NDST3: variants seen among roughly 807,000 people sequenced by gnomAD.
NDST3 encodes the protein N-deacetylase and N-sulfotransferase 3, also known as bifunctional heparan sulfate N-deacetylase/N-sulfotransferase 3.
A neutral mutation model predicts 96.1 loss-of-function variants in NDST3; 58 were observed. The ratio of observed to expected loss-of-function variants is 0.60; its 90% CI spans 0.49 to 0.75. NDST3 has a LOEUF of 0.75. NDST3 is among the 30% of genes least tolerant of loss of function. The pLI, the probability that NDST3 is intolerant of heterozygous loss-of-function variation, is 0.00. For missense variants in NDST3, 788 were observed against 1,034.2 expected, an observed-to-expected ratio of 0.76 and a Z score of 3.27; for synonymous variants, 333 against 359.7, an observed-to-expected ratio of 0.93 and a Z score of 0.84.
chr4:118,186,982 C>A (rs1368300070), intron 6 of NDST3, among the ~76,000 whole-genome samples: 3 of 152,174 alleles, frequency 2.0e-5, no homozygotes, highest in African/African-American at 7.2e-5. Flanking sequence ...AGGGAGACTA[C>A]TATTATGACC....
intron 6 of NDST3, chr4:118,193,308 TA>T: frequency 2.5e-6 from 1 of 403,722 alleles, no homozygotes. Context: ...AATAAAGGTC[TA>T]ATTCACTCAA....
intron 6 of NDST3, among the ~76,000 whole-genome samples, chr4:118,146,790 T>C (rs1023926874): frequency 3.0e-4 from 45 of 152,328 alleles, no homozygotes; most frequent in African/African-American, 1.1e-3. Context: ...TTTTGATTAA[T>C]AGACTTTGAA....
chr4:118,068,009 G>A (rs530891371), intron 2 of NDST3, among the ~76,000 whole-genome samples: 29 of 152,086 alleles, frequency 1.9e-4, no homozygotes, highest in Non-Finnish European at 4.0e-4. Context: ...GAAAGTCTAT[G>A]AGAGTAATTA....
intron 1 of NDST3, among the ~76,000 whole-genome samples, chr4:118,052,600 T>C (rs1725142760): frequency 1.3e-5 from 2 of 151,992 alleles, no homozygotes; most frequent in South Asian, 2.1e-4. Flanking sequence ...TGGCTGTACA[T>C]TATTTTGGAT....
chr4:118,171,158 T>C (rs1735922175), intron 6 of NDST3, among the ~76,000 whole-genome samples: 1 of 152,200 alleles, frequency 6.6e-6, no homozygotes, highest in Non-Finnish European at 1.5e-5. Flanking sequence ...AATTCCTATT[T>C]TGACCTCAAG....
At chr4:118,198,100 A>T (rs1201745105) in intron 6 of NDST3, among the ~76,000 whole-genome samples, 1 of 151,898 alleles carries the variant, frequency 6.6e-6, no homozygotes, top group Non-Finnish European at 1.5e-5. Context: ...ACCTGGCCTC[A>T]TTGTTTTTTT....
Position 118,084,462 on chromosome 4 carries a change from T to C in NDST3, c.982-20556T>C, listed in dbSNP as rs1034957747. ...TCTGGATCCATAGGCTCAGTCAACATGTTTTTCTCACTCTTTTTGAAAGTA... is the reference window on the plus strand; with the variant it reads ...TCTGGATCCATAGGCTCAGTCAACACGTTTTTCTCACTCTTTTTGAAAGTA... On this transcript the variant is annotated intron_variant, in intron 2 of 13. Transcript: ENST00000296499. Among the ~76,000 whole-genome samples the C allele has an allele frequency of 1.8e-4, 27 of 152,324 alleles. No individual in the cohort carries two copies. The East Asian group carries it at 4.8e-3, about 27-fold the overall frequency.
Position 118,255,804 on chromosome 4 carries a change from C to A in NDST3, c.*92C>A. On this transcript the variant is annotated 3_prime_UTR_variant, in exon 14 of 14. Transcript: ENST00000296499. ...TACCAAAAGGCAGTTGAAAAATATA[C>A]CTCTTCAAATGAGAAAAAAGAACAG... 1 of 1,330,544 alleles carries A rather than the reference C, an allele frequency of 7.5e-7. No individual in the cohort carries two copies. Among genetic ancestry groups the A allele is most frequent in the Non-Finnish European group, 1.0e-6 (1 of 993,270 alleles). The allele number at this position is 1,330,544 out of a possible 1,614,324, so 82.4% of individuals were successfully genotyped here. A position where few individuals can be genotyped will look rare whatever the true frequency, so the allele number is the denominator to read the frequency against.
chr4:118,248,646 C>A (rs1411349555), intron 12 of NDST3, among the ~76,000 whole-genome samples: 2 of 152,232 alleles, frequency 1.3e-5, no homozygotes. Flanking sequence ...AAAATGTTCA[C>A]TGCCTGAAGG....
chr4:118,190,270 GT>G (rs1737222994), intron 6 of NDST3, among the ~76,000 whole-genome samples: 1 of 151,660 alleles, frequency 6.6e-6, no homozygotes, highest in Non-Finnish European at 1.5e-5. Context: ...TCAAAAGATG[GT>G]TCAAGTTATT....
chr4:118,184,835 G>T (rs1234777077), intron 6 of NDST3, among the ~76,000 whole-genome samples: 1 of 152,038 alleles, frequency 6.6e-6, no homozygotes. Flanking sequence ...TTTCACATGT[G>T]CCCTCTGACT....
At chr4:118,174,548 C>A (rs1736157286) in intron 6 of NDST3, among the ~76,000 whole-genome samples, 1 of 152,120 alleles carries the variant, frequency 6.6e-6, no homozygotes, top group Non-Finnish European at 1.5e-5. Context: ...CAGTGCTGCC[C>A]AGCATGATCT....
At chr4:118,159,467 T>C (rs1734948100) in intron 6 of NDST3, among the ~76,000 whole-genome samples, 1 of 152,250 alleles carries the variant, frequency 6.6e-6, no homozygotes, top group South Asian at 2.1e-4. Flanking sequence ...ACAAACCCTG[T>C]TTTTTACAGA....
At chr4:118,161,114 T>C (rs1334170129) in intron 6 of NDST3, among the ~76,000 whole-genome samples, 1 of 152,248 alleles carries the variant, frequency 6.6e-6, no homozygotes, top group East Asian at 1.9e-4. Context: ...TAGAGGTCTG[T>C]TGGAGTTTGC....
chr4:118,149,812 G>C (rs1393477481), intron 6 of NDST3, among the ~76,000 whole-genome samples: 1 of 152,200 alleles, frequency 6.6e-6, no homozygotes, highest in Admixed American at 6.5e-5. Flanking sequence ...AGTGGTGAAA[G>C]AGGGCATCCC....
At chr4:118,036,127 GCTAAA>G (rs1328966571) in intron 1 of NDST3, among the ~76,000 whole-genome samples, 3 of 151,846 alleles carry the variant, frequency 2.0e-5, no homozygotes, top group African/African-American at 7.3e-5. Flanking sequence ...GTTATTATAA[GCTAAA>G]ATGTAAATAT....
At chr4:118,209,195 T>C (rs1306760395) in intron 6 of NDST3, among the ~76,000 whole-genome samples, 1 of 152,194 alleles carries the variant, frequency 6.6e-6, no homozygotes, top group Admixed American at 6.5e-5. Flanking sequence ...AATAAAGATG[T>C]TTTCATTGCA....
At chr4:118,047,549 G>T (rs1234895673) in intron 1 of NDST3, among the ~76,000 whole-genome samples, 1 of 152,064 alleles carries the variant, frequency 6.6e-6, no homozygotes. Context: ...TTTTAAAAAC[G>T]AACTAAACTG....
rs1734468301 is a variant in NDST3 at position 118,152,560 on chromosome 4, AT to A, written c.1539+8881del. Among the ~76,000 whole-genome samples the A allele has an allele frequency of 2.0e-5, 3 of 152,136 alleles. No homozygotes were observed. In the South Asian group the frequency reaches 6.2e-4, roughly 32 times the overall value. On this transcript the variant is annotated intron_variant, in intron 6 of 13. Coordinates refer to ENST00000296499, the MANE Select transcript of NDST3 (RefSeq NM_004784.3). ...CCTGGAAAAGGGGCCTACTGTAAAT[AT>A]TTTTCTGATGAGGTCGCTTTACTTA...
Sources: allele counts gnomAD v4.1 joint callset (sites outside exome capture counted in the v4.1 genomes callset), GRCh38; gene constraint gnomAD v4.1.1; transcripts MANE v1.5; gene names NCBI Gene and HGNC (gene_info 2026-07-23, HGNC 2026-07-21).